The following DDX41 variants were observed in gnomAD, a reference collection of about 807,000 sequenced individuals.
DDX41 encodes the protein probable ATP-dependent RNA helicase DDX41.
A neutral mutation model predicts 78.8 loss-of-function variants in DDX41; 50 were observed. That is an observed-to-expected ratio of 0.63 (90% CI 0.51 to 0.80). The LOEUF (loss-of-function observed/expected upper bound fraction) is 0.80, where lower values mean the gene tolerates loss of function less well. Among genes scored for constraint, DDX41 ranks in the 30% least tolerant of loss-of-function variants. The pLI is 0.00. For missense variants in DDX41, 633 were observed against 849.2 expected (o/e 0.75, Z 3.16); for synonymous variants, 381 against 321.5 (o/e 1.19, Z -1.98).
Position 177,512,133 on chromosome 5 carries a change from C to G in DDX41, c.1695G>C (p.Val565=). Residue 565 remains valine (V), a synonymous_variant, in exon 16 of 17, where the codon GTG becomes GTC. Coordinates refer to ENST00000330503, the MANE Select transcript of DDX41 (RefSeq NM_016222.4). ...AKQKVPPVLQ[V]LHCGDESMLD... is the part of the protein sequence containing the mutation. ...GCATGGACTCATCCCCGCAATGCAG[C>G]ACCTGCAGCACGGGCGGCACCTTCT... The G allele has an allele frequency of 6.2e-7, 1 of 1,613,570 alleles. No homozygotes were observed. Among genetic ancestry groups the G allele is most frequent in the South Asian group, 1.1e-5 (1 of 91,076 alleles).
chr5:177,513,326 G>T lies in DDX41; in HGVS notation c.1230+27C>A. 5.6e-6 allele frequency: 9 copies of T among 1,613,806 alleles called. No individual in the cohort carries two copies. Among genetic ancestry groups the T allele is most frequent in the Non-Finnish European group, 7.6e-6 (9 of 1,179,976 alleles). On this transcript the variant is annotated intron_variant, in intron 11 of 16. Transcript: ENST00000330503. The surrounding 1 kb of genome is among the most constrained non-coding windows in gnomAD (Gnocchi z 4.6). ...TCAGATCCAGCCCCCACAGGTGAGA[G>T]ACCGCCCATCAGGAGCACCTGCCCA... is the stretch of plus-strand genomic sequence containing the variant.
Position 177,514,074 on chromosome 5 carries a change from T to G in DDX41, c.936-227A>C. The G allele has an allele frequency of 1.5e-6, 1 of 676,298 alleles. No homozygotes were observed. The highest frequency in any genetic ancestry group is 2.7e-6 in the Non-Finnish European group (1 of 369,808). The allele number at this position is 676,298 out of a possible 1,614,324, so 41.9% of individuals were successfully genotyped here. A position where few individuals can be genotyped will look rare whatever the true frequency, so the allele number is the denominator to read the frequency against. On this transcript the variant is annotated intron_variant, in intron 9 of 16. Coordinates refer to ENST00000330503, the MANE Select transcript of DDX41 (RefSeq NM_016222.4). This position sits in a 1 kb window ranked among gnomAD's most constrained non-coding sequence, Gnocchi z 4.2. ...GCCTGGCGCGCCTTCCCCCTTCTCC[T>G]GGGTCAGCCTCTCACCCAGAAGCGC...
chr5:177,516,703 T>A (rs1336756955), intron 2 of DDX41, 22 bp downstream of exon 2: 2 of 1,566,730 alleles, frequency 1.3e-6, no homozygotes, highest in Middle Eastern at 1.9e-4. Context: ...GCCCCATCCC[T>A]CCCCGGACGC....
intron 2 of DDX41, 107 bp from the exon 3 acceptor site, chr5:177,516,554 GC>G: frequency 6.8e-7 from 1 of 1,466,710 alleles, no homozygotes. Flanking sequence ...GCGCAAAGCT[GC>G]CCTACCCCTC....
In DDX41 at chr5:177,512,257, G is replaced by A. The variant is rs372417620; in HGVS notation, c.1622-51C>T. 3.0e-5 allele frequency: 48 copies of A among 1,613,494 alleles called. 1 individual carries two copies. In the South Asian group the frequency reaches 5.3e-4, roughly 18 times the overall value. ...GGGCCCATCCTGGGCTCTGTGGCCA[G>A]AACCTGGGTGGCCACAGGCAGGGGA... On this transcript the variant is annotated intron_variant, in intron 15 of 16. Coordinates refer to ENST00000330503, the MANE Select transcript of DDX41 (RefSeq NM_016222.4).
chr5:177,512,088 G>A lies in DDX41; in HGVS notation c.1732+8C>T. The A allele has an allele frequency of 6.2e-7, 1 of 1,612,622 alleles. No homozygotes were observed. The highest frequency in any genetic ancestry group is 8.5e-7 in the Non-Finnish European group (1 of 1,179,948). ...GCTGGGGACTCGGGGATCCCGCTCT[G>A]CAGTCACCTCCAATGTCCAGCATGG... On this transcript the variant is annotated splice_region_variant and intron_variant, in intron 16 of 16. Transcript: ENST00000330503.
chr5:177,511,926 T>C lies in DDX41; in HGVS notation c.1734A>G (p.Gly578=). 1 of 1,613,808 alleles carries C rather than the reference T, an allele frequency of 6.2e-7. No individual in the cohort carries two copies. Among genetic ancestry groups the C allele is most frequent in the East Asian group, 2.2e-5 (1 of 44,886 alleles). Residue 578 remains glycine, a splice_region_variant and synonymous_variant, in exon 17 of 17, where the codon GGA becomes GGG. Coordinates refer to ENST00000330503, the MANE Select transcript of DDX41 (RefSeq NM_016222.4). ...CCCCGCAGAAGGCACAGCCGCGCTC[T>C]CCTGGGGGAATGGGGACAGGGGTCA... is the stretch of plus-strand genomic sequence containing the variant. The part of the protein sequence containing the change: ...CGDESMLDIG[G]ERGCAFCGGL...
Position 177,515,784 on chromosome 5 carries a change from C to T in DDX41, c.472G>A (p.Glu158Lys), listed in dbSNP as rs1761199936. The T allele has an allele frequency of 1.2e-6, 2 of 1,614,186 alleles. No homozygotes were observed. Among genetic ancestry groups the T allele is most frequent in the African/African-American group, 1.3e-5 (1 of 75,058 alleles). Residue 158 changes from glutamate (E) to lysine (K), a missense_variant, in exon 6 of 17, where the codon GAG becomes AAG. By Grantham distance (56) the Glu-to-Lys change is moderately conservative. Coordinates refer to ENST00000330503, the MANE Select transcript of DDX41 (RefSeq NM_016222.4). The part of the protein sequence containing the change: ...PPRYVLSMSE[E>K]RHERVRKKYH... ...TTCTTCCGCACGCGCTCATGTCGCT[C>T]TTCAGACATGCTCAGAACATAACGG...
Position 177,511,683 on chromosome 5 carries a change from A to G in DDX41, c.*108T>C, listed in dbSNP as rs186837776. ...AGCCAGGACCAGCCTGGCCCATCCC[A>G]GGCCAGCTGAGCTGAAATGCTGATT... On this transcript the variant is annotated 3_prime_UTR_variant, in exon 17 of 17. Transcript: ENST00000330503. 4.1e-4 allele frequency: 614 copies of G among 1,482,298 alleles called. No individual in the cohort carries two copies. In the East Asian group the frequency reaches 5.9e-3, roughly 14 times the overall value. 91.8% of individuals were successfully genotyped at this position (1,482,298 alleles called of 1,614,324 possible).
rs376656648 is a variant in DDX41 at position 177,513,037 on chromosome 5, C to T, written c.1276G>A (p.Glu426Lys). The T allele has an allele frequency of 9.3e-6, 15 of 1,613,778 alleles. No homozygotes were observed. Among genetic ancestry groups the T allele is most frequent in the Non-Finnish European group, 1.2e-5 (14 of 1,179,924 alleles). The change falls in exon 12 of 17, where the codon GAG (glutamate) becomes AAG (lysine). Residue 426 changes from glutamate to lysine, a missense_variant. This residue lies in a region of DDX41 where 185 missense variants were observed against 367.4 expected (regional missense o/e 0.50). Transcript: ENST00000330503. The surrounding 1 kb of genome is among the most constrained non-coding windows in gnomAD (Gnocchi z 4.6). ...KEEAKMVYLLECLQKTPPPVL... is the reference protein window; with the variant it reads ...KEEAKMVYLLKCLQKTPPPVL... ...GGCGGGGGTGTCTTCTGCAGGCACT[C>T]GAGCAGGTACACCATCTTGGCCTCC...
chr5:177,512,014 C>T, intron 16 of DDX41, 82 bp downstream of exon 16: 2 of 1,606,158 alleles, frequency 1.2e-6, no homozygotes, highest in Non-Finnish European at 1.7e-6. Flanking sequence ...ACCCTCGGTC[C>T]ACCGGTTTCA....
intron 2 of DDX41, 136 bp downstream of exon 2, chr5:177,516,589 T>C (rs1211945390): frequency 2.9e-6 from 4 of 1,385,678 alleles, no homozygotes; most frequent in Non-Finnish European, 4.0e-6. Context: ...GGTCCCTCGT[T>C]TGTCTGGGGG....
At position 177,516,807 on chromosome 5, in the gene DDX41, C is replaced by G; in HGVS notation, c.56G>C (p.Gly19Ala). The change falls in exon 2 of 17, where the codon GGA becomes GCA. Residue 19 changes from glycine (G) to alanine (A), a missense_variant. By Grantham distance (60) the Gly-to-Ala change is moderately conservative. Transcript: ENST00000330503. ...ATCTTCCGCCTCGGAGCGGCTTCCT[C>G]CGGCAGGCACCTCGTCGGTGCGAGC... ...KRARTDEVPA[G>A]GSRSEAEDED... 1 of 1,612,566 alleles carries G rather than the reference C, an allele frequency of 6.2e-7. No homozygotes were observed.
rs766690261 is a variant in DDX41 at position 177,514,680 on chromosome 5, G to A, written c.935+21C>T. The A allele has an allele frequency of 1.9e-6, 3 of 1,600,466 alleles. No homozygotes were observed. The highest frequency in any genetic ancestry group is 2.7e-5 in the African/African-American group (2 of 74,712). On this transcript the variant is annotated intron_variant, in intron 9 of 16. Coordinates refer to ENST00000330503, the MANE Select transcript of DDX41 (RefSeq NM_016222.4). The surrounding 1 kb of genome is among the most constrained non-coding windows in gnomAD (Gnocchi z 4.2). ...GACTCGCAGGTGGCAGAGGTGGGGG[G>A]CAGGGAGCGCCAGCACTCACTGTCG...
rs1761131855 is a variant in DDX41, at chr5:177,514,525, C to A, written c.935+176G>T. 6.6e-6 allele frequency among the ~76,000 whole-genome samples: 1 copy of A among 152,200 alleles called. No individual in the cohort carries two copies. The highest frequency in any genetic ancestry group is 1.5e-5 in the Non-Finnish European group (1 of 68,026). ...TCTGCCGTGCTCCCACAGTACCTGG[C>A]CACATCCCTCTGTCCTCCCCCAACT... On this transcript the variant is annotated intron_variant, in intron 9 of 16. Transcript: ENST00000330503. This position sits in a 1 kb window ranked among gnomAD's most constrained non-coding sequence, Gnocchi z 4.2.
chr5:177,515,747 A>G lies in DDX41; in HGVS notation c.509T>C (p.Leu170Pro). Reference protein sequence around the residue: ...HERVRKKYHILVEGDGIPPPI... With the variant: ...HERVRKKYHIPVEGDGIPPPI... ...TGGTGGGATACCGTCTCCCTCCACC[A>G]GGATGTGGTATTTCTTCCGCACGCG... The change falls in exon 6 of 17, where the codon CTG becomes CCG. Residue 170 changes from leucine to proline, a missense_variant. This residue lies in a region of DDX41 where 126 missense variants were observed against 115.5 expected (regional missense o/e 1.09). Coordinates refer to ENST00000330503, the MANE Select transcript of DDX41 (RefSeq NM_016222.4). The G allele has an allele frequency of 6.2e-7, 1 of 1,614,154 alleles. No homozygotes were observed. The highest frequency in any genetic ancestry group is 1.1e-5 in the South Asian group (1 of 91,090).
Position 177,512,313 on chromosome 5 carries a change from C to G in DDX41, c.1621+9G>C, listed in dbSNP as rs561035914. On this transcript the variant is annotated intron_variant, in intron 15 of 16. Transcript: ENST00000330503. ...GGAACAGCTAAGGTGGCGCTGGTAA[C>G]AGACTCACCACACGCTTTGTTGATG... is the stretch of plus-strand genomic sequence containing the variant. The G allele has an allele frequency of 1.2e-6, 2 of 1,614,022 alleles. No individual in the cohort carries two copies. The highest frequency in any genetic ancestry group is 1.7e-5 in the Admixed American group (1 of 60,022).
chr5:177,513,811 G>A lies in DDX41; in HGVS notation c.972C>T (p.Leu324=). Reference sequence around the variant, plus strand: ...CCATCTTCTTCTGCAGCAAATCCATGAGGCGCCCCGGGGTGGCCACCATCA... The same window carrying A: ...CCATCTTCTTCTGCAGCAAATCCATAAGGCGCCCCGGGGTGGCCACCATCA... ...VHMMVATPGR[L]MDLLQKKMVS... Residue 324 remains leucine, a synonymous_variant, in exon 10 of 17, where the codon CTC becomes CTT. Coordinates refer to ENST00000330503, the MANE Select transcript of DDX41 (RefSeq NM_016222.4). The surrounding 1 kb of genome is among the most constrained non-coding windows in gnomAD (Gnocchi z 4.6). The A allele has an allele frequency of 6.2e-7, 1 of 1,613,786 alleles. No individual in the cohort carries two copies. Among genetic ancestry groups the A allele is most frequent in the East Asian group, 2.2e-5 (1 of 44,874 alleles).
rs756082756 is a variant in DDX41 at position 177,513,204 on chromosome 5, C to T, written c.1231-122G>A. 528 of 1,518,348 alleles carry T rather than the reference C, an allele frequency of 3.5e-4. 2 individuals are homozygous for T. The highest frequency in any genetic ancestry group is 5.4e-4 in the Middle Eastern group (3 of 5,556). 94.1% of individuals were successfully genotyped at this position (1,518,348 alleles called of 1,614,324 possible). A position where few individuals can be genotyped will look rare whatever the true frequency, so the allele number is the denominator to read the frequency against. Reference sequence around the variant, plus strand: ...GCCTCTGGCCGCCAAGGGCTGGTGCCCTAAAAATGGCCCTGGTTAAGCGTC... The same window carrying T: ...GCCTCTGGCCGCCAAGGGCTGGTGCTCTAAAAATGGCCCTGGTTAAGCGTC... On this transcript the variant is annotated intron_variant, in intron 11 of 16. Transcript: ENST00000330503. The surrounding 1 kb of genome is among the most constrained non-coding windows in gnomAD (Gnocchi z 4.6).
Sources: allele counts gnomAD v4.1 joint callset (sites outside exome capture counted in the v4.1 genomes callset), GRCh38; gene constraint gnomAD v4.1.1; regional missense constraint gnomAD v4.1.1; non-coding constraint Gnocchi (gnomAD v3.1); transcripts MANE v1.5; gene names NCBI Gene and HGNC (gene_info 2026-07-23, HGNC 2026-07-21).